Variants in RBFOX1 observed in about 807,000 individuals in gnomAD.
The protein encoded by RBFOX1 is RNA binding protein fox-1 homolog 1.
In RBFOX1, 8 loss-of-function variants were observed where a neutral mutation model predicts 57.7. The observed-to-expected ratio is 0.14, with a 90% CI of 0.08 to 0.25. The LOEUF is 0.25. Among genes scored for constraint, RBFOX1 ranks in the 10% least tolerant of loss-of-function variants. The pLI, the probability that RBFOX1 is intolerant of heterozygous loss-of-function variation, is 1.00. For missense variants in RBFOX1, 611 were observed against 548.5 expected (o/e 1.11, Z -1.14); for synonymous variants, 326 against 222.4 (o/e 1.47, Z -4.15).
chr16:5,608,916 G>A (rs1179073369), intron 3 of RBFOX1, among the ~76,000 whole-genome samples: 5 of 152,154 alleles, frequency 3.3e-5, no homozygotes, highest in African/African-American at 9.7e-5. Context: ...CAGTCTGTTT[G>A]CTCAAGGTTT....
At chr16:5,398,155 A>C (rs1447468665) in intron 1 of RBFOX1, among the ~76,000 whole-genome samples, 1 of 152,192 alleles carries the variant, frequency 6.6e-6, no homozygotes, top group Non-Finnish European at 1.5e-5. Context: ...TAAGCTGACA[A>C]CTGAAGGGTG....
intron 4 of RBFOX1, among the ~76,000 whole-genome samples, chr16:5,983,637 T>C (rs1300400479): frequency 5.9e-5 from 9 of 152,218 alleles, no homozygotes; most frequent in African/African-American, 2.2e-4. Context: ...CCAACTTCAT[T>C]TCTGACTCTC....
intron 3 of RBFOX1, among the ~76,000 whole-genome samples, chr16:6,776,228 G>C (rs1176002025): frequency 6.6e-6 from 1 of 151,996 alleles, no homozygotes; most frequent in African/African-American, 2.4e-5. Flanking sequence ...TGGCTAACAC[G>C]GTGAAACCCA....
intron 1 of RBFOX1, among the ~76,000 whole-genome samples, chr16:6,252,751 A>G (rs1324262530): frequency 1.3e-5 from 2 of 152,234 alleles, no homozygotes; most frequent in Non-Finnish European, 2.9e-5. Context: ...AGCATGGAGC[A>G]GCAGATGAGG....
chr16:6,517,607 C>G (rs1006289041), intron 2 of RBFOX1, among the ~76,000 whole-genome samples: 2 of 152,036 alleles, frequency 1.3e-5, no homozygotes, highest in Admixed American at 1.3e-4. Flanking sequence ...AGTGCTTTGC[C>G]TGGGTGTTTA....
intron 3 of RBFOX1, among the ~76,000 whole-genome samples, chr16:6,878,033 A>C (rs1567680372): frequency 6.6e-6 from 1 of 152,158 alleles, no homozygotes; most frequent in Non-Finnish European, 1.5e-5. Context: ...TGTTGCCTCT[A>C]AGAGGGATGG....
At chr16:7,557,619 CAAAAAA>C (rs1170051114) in intron 5 of RBFOX1, among the ~76,000 whole-genome samples, 12 of 40,766 alleles carry the variant, frequency 2.9e-4, no homozygotes, top group East Asian at 1.6e-3. Context: ...GACTCTGTCT[CAAAAAA>C]AAAAAAAAAA....
At chr16:6,548,243 G>A (rs1025172414) in intron 2 of RBFOX1, among the ~76,000 whole-genome samples, 2 of 151,834 alleles carry the variant, frequency 1.3e-5, no homozygotes, top group African/African-American at 2.4e-5. Flanking sequence ...GTTTTGTTTT[G>A]CTAGATGTCA....
chr16:5,256,246 C>T (rs1322177443), intron 1 of RBFOX1, among the ~76,000 whole-genome samples: 1 of 152,154 alleles, frequency 6.6e-6, no homozygotes, highest in Non-Finnish European at 1.5e-5. Flanking sequence ...AGATCCCAGA[C>T]AGGATGTGAC....
chr16:7,312,308 A>T (rs1179497564), intron 4 of RBFOX1, among the ~76,000 whole-genome samples: 1 of 152,202 alleles, frequency 6.6e-6, no homozygotes, highest in Non-Finnish European at 1.5e-5. Flanking sequence ...TGAACCCAGG[A>T]GACAGAGGTA....
chr16:5,779,986 C>G (rs773526084), intron 3 of RBFOX1, among the ~76,000 whole-genome samples: 1 of 152,126 alleles, frequency 6.6e-6, no homozygotes, highest in Non-Finnish European at 1.5e-5. Context: ...TGCTGTATAC[C>G]TTAAAAGCAT....
intron 3 of RBFOX1, among the ~76,000 whole-genome samples, chr16:5,848,080 G>T (rs1350318441): frequency 1.3e-5 from 2 of 152,102 alleles, no homozygotes; most frequent in African/African-American, 4.8e-5. Flanking sequence ...CGGAGCTCTG[G>T]CCAACCCAGA....
chr16:7,260,859 C>G (rs768540063), intron 4 of RBFOX1, among the ~76,000 whole-genome samples: 1 of 152,150 alleles, frequency 6.6e-6, no homozygotes, highest in Non-Finnish European at 1.5e-5. Context: ...TAGGGAACCC[C>G]TATCTAATTA....
chr16:6,258,260 G>T (rs903397641), intron 1 of RBFOX1, among the ~76,000 whole-genome samples: 24 of 152,124 alleles, frequency 1.6e-4, no homozygotes, highest in African/African-American at 2.4e-5. Flanking sequence ...TGTACATATT[G>T]CATAATCAAC....
intron 3 of RBFOX1, among the ~76,000 whole-genome samples, chr16:5,787,849 A>G (rs962449368): frequency 1.3e-5 from 2 of 152,224 alleles, no homozygotes; most frequent in African/African-American, 4.8e-5. Flanking sequence ...GGAAAGGAAG[A>G]ATGCATTGCA....
chr16:5,590,192 A>G (rs1041633777), intron 2 of RBFOX1, among the ~76,000 whole-genome samples: 1 of 152,158 alleles, frequency 6.6e-6, no homozygotes, highest in Admixed American at 6.5e-5. Flanking sequence ...AACGATTTAC[A>G]TGGTAATAGA....
At chr16:7,411,596 A>C (rs1180732133) in intron 4 of RBFOX1, among the ~76,000 whole-genome samples, 1 of 152,174 alleles carries the variant, frequency 6.6e-6, no homozygotes, top group Non-Finnish European at 1.5e-5. Context: ...TCTGACTGTC[A>C]AGGTGATCAA....
In RBFOX1 at chr16:7,493,110, C is replaced by A. The variant is rs187431342; in HGVS notation, c.28-25037C>A. 3.8e-3 allele frequency among the ~76,000 whole-genome samples: 571 copies of A among 152,228 alleles called. 3 individuals are homozygous for A. The highest frequency in any genetic ancestry group is 0.015 in the South Asian group (71 of 4,824). On this transcript the variant is annotated intron_variant, in intron 4 of 15. Coordinates refer to ENST00000550418, the MANE Select transcript of RBFOX1 (RefSeq NM_018723.4). ...GTCAGGCTGGTCTCAAACTCCTGAC[C>A]TTAGGGGATTCGCCCGCCTCTGCCT...
chr16:7,579,113 A>G (rs1175324165), intron 5 of RBFOX1, among the ~76,000 whole-genome samples: 1 of 152,218 alleles, frequency 6.6e-6, no homozygotes, highest in Non-Finnish European at 1.5e-5. Flanking sequence ...AAACAAAGTT[A>G]AATATCTTGT....
Sources: gnomAD v4.1 joint callset for allele counts (sites outside exome capture counted in the v4.1 genomes callset) on GRCh38, gnomAD v4.1.1 for gene constraint, MANE v1.5 for transcripts, NCBI Gene and HGNC (gene_info 2026-07-23, HGNC 2026-07-21) for gene names.